MECOM: variants seen among roughly 807,000 people sequenced by gnomAD.
MECOM encodes histone-lysine N-methyltransferase MECOM.
MECOM carries 13 observed loss-of-function variants against 116.3 expected under a neutral mutation model. That is an observed-to-expected ratio of 0.11 (90% CI 0.07 to 0.18). MECOM has a LOEUF of 0.18. MECOM is among the 10% of genes least tolerant of loss of function. The pLI is 1.00. For missense variants in MECOM, 1,299 were observed against 1,509.0 expected (o/e 0.86, Z 2.31); for synonymous variants, 528 against 535.2 (o/e 0.99, Z 0.19).
At chr3:169,266,212 A>G (rs1244807301) in intron 2 of MECOM, among the ~76,000 whole-genome samples, 1 of 152,230 alleles carries the variant, frequency 6.6e-6, no homozygotes, top group Non-Finnish European at 1.5e-5. Context: ...GCCAGGCAGC[A>G]TCATAAATCT....
At chr3:169,650,552 T>C (rs986590017) in intron 1 of MECOM, among the ~76,000 whole-genome samples, 2 of 152,162 alleles carry the variant, frequency 1.3e-5, no homozygotes, top group African/African-American at 4.8e-5. Context: ...GGAATAATCC[T>C]GTAAGCTTGA....
chr3:169,182,156 T>C (rs1746052556), intron 2 of MECOM, among the ~76,000 whole-genome samples: 1 of 152,176 alleles, frequency 6.6e-6, no homozygotes, highest in African/African-American at 2.4e-5. Context: ...AGTAACTAGT[T>C]GAAAGGCGTT....
intron 1 of MECOM, among the ~76,000 whole-genome samples, chr3:169,478,470 T>G (rs112199440): frequency 3.9e-5 from 6 of 152,260 alleles, no homozygotes; most frequent in African/African-American, 1.4e-4. Context: ...CAGAGTGACC[T>G]ATAGGGACAC....
chr3:169,278,948 A>C (rs1487560514), intron 2 of MECOM, among the ~76,000 whole-genome samples: 3 of 152,226 alleles, frequency 2.0e-5, no homozygotes, highest in Non-Finnish European at 4.4e-5. Context: ...AATATGAACT[A>C]TGTTGCACTG....
chr3:169,169,836 C>CA (rs576940968), intron 2 of MECOM, among the ~76,000 whole-genome samples: 1 of 144,782 alleles, frequency 6.9e-6, no homozygotes, highest in African/African-American at 2.5e-5. Context: ...TACAGTTCTA[C>CA]TTTTTTTTTT....
At chr3:169,377,542 A>T (rs1731249539) in intron 2 of MECOM, among the ~76,000 whole-genome samples, 1 of 152,198 alleles carries the variant, frequency 6.6e-6, no homozygotes, top group Non-Finnish European at 1.5e-5. Context: ...AAAAGAAGAC[A>T]TTTATGTGGC....
intron 1 of MECOM, among the ~76,000 whole-genome samples, chr3:169,575,426 G>A (rs1764377641): frequency 6.6e-6 from 1 of 152,200 alleles, no homozygotes; most frequent in African/African-American, 2.4e-5. Flanking sequence ...AAGACTGGCA[G>A]AGAATGCCAG....
chr3:169,407,489 T>C (rs1736891080), intron 1 of MECOM, among the ~76,000 whole-genome samples: 1 of 152,232 alleles, frequency 6.6e-6, no homozygotes, highest in Non-Finnish European at 1.5e-5. Flanking sequence ...AATAGAACAT[T>C]TGTTATTATT....
At chr3:169,624,013 T>G (rs1771061963) in intron 1 of MECOM, 1 of 152,226 alleles carries the variant, frequency 6.6e-6, no homozygotes, top group South Asian at 2.1e-4. Flanking sequence ...CAATCTATTA[T>G]GCTATGTACT....
chr3:169,433,667 A>AAGAAAG (rs1387416647), intron 1 of MECOM, among the ~76,000 whole-genome samples: 1 of 141,526 alleles, frequency 7.1e-6, no homozygotes, highest in Non-Finnish European at 1.5e-5. Context: ...GAAAGAAAGA[A>AAGAAAG]AGAAAGAAAG....
rs139194487 is a variant in MECOM, at chr3:169,592,639, G to A, written c.37+70697C>T. Among the ~76,000 whole-genome samples, 531 of 152,224 alleles carry A rather than the reference G, an allele frequency of 3.5e-3. 3 individuals carry two copies. The highest frequency in any genetic ancestry group is 6.5e-3 in the Non-Finnish European group (444 of 68,020). On this transcript the variant is annotated intron_variant, in intron 1 of 16. Transcript: ENST00000651503. ...CCTGAAATTCTAGAATTCTTTCCACGTAGGGCACAGAATCATGAAGTTCAA... is the reference window on the plus strand; with the variant it reads ...CCTGAAATTCTAGAATTCTTTCCACATAGGGCACAGAATCATGAAGTTCAA...
In MECOM at chr3:169,086,664, A is replaced by G. The variant is rs754288446; in HGVS notation, c.3586-1621T>C. The G allele has an allele frequency of 3.2e-4, 215 of 675,058 alleles. 1 individual carries two copies. The Middle Eastern group carries it at 9.4e-3, about 30-fold the overall frequency. 41.8% of individuals were successfully genotyped at this position (675,058 alleles called of 1,614,324 possible). On this transcript the variant is annotated intron_variant, in intron 16 of 16. Coordinates refer to ENST00000651503, the MANE Select transcript of MECOM (RefSeq NM_004991.4). ...TAAAGTGTTTAGCTCAGTGTGCCTG[A>G]CTGAGGTAATACATAAATAGTACCT... is the stretch of plus-strand genomic sequence containing the variant.
chr3:169,164,973 A>G (rs976856937), intron 2 of MECOM, among the ~76,000 whole-genome samples: 7 of 152,216 alleles, frequency 4.6e-5, no homozygotes, highest in African/African-American at 1.7e-4. Flanking sequence ...CATTCCTAGT[A>G]AAGTTCCCTG....
At chr3:169,370,598 T>C (rs988387476) in intron 2 of MECOM, among the ~76,000 whole-genome samples, 3 of 151,802 alleles carry the variant, frequency 2.0e-5, no homozygotes, top group Admixed American at 1.3e-4. Flanking sequence ...ACCTATGGAA[T>C]GGGAGAAAAT....
At chr3:169,403,837 C>T (rs1736251418) in intron 1 of MECOM, among the ~76,000 whole-genome samples, 1 of 152,064 alleles carries the variant, frequency 6.6e-6, no homozygotes, top group Non-Finnish European at 1.5e-5. Context: ...TCTATTAACC[C>T]TCTGAAACAT....
chr3:169,459,228 T>G (rs969584762), intron 1 of MECOM, among the ~76,000 whole-genome samples: 4 of 152,238 alleles, frequency 2.6e-5, no homozygotes, highest in Non-Finnish European at 5.9e-5. Context: ...ATAATTATTT[T>G]CTTGACCTGG....
intron 1 of MECOM, among the ~76,000 whole-genome samples, chr3:169,633,601 G>C (rs1772349994): frequency 6.6e-6 from 1 of 152,086 alleles, no homozygotes; most frequent in African/African-American, 2.4e-5. Flanking sequence ...AGCCAGCACA[G>C]AATAATTCAC....
At chr3:169,455,141 G>C (rs1049835408) in intron 1 of MECOM, among the ~76,000 whole-genome samples, 1 of 152,128 alleles carries the variant, frequency 6.6e-6, no homozygotes, top group Non-Finnish European at 1.5e-5. Context: ...TAGGCTAAGT[G>C]TCATTATAAG....
At chr3:169,631,608 C>A (rs1254976432) in intron 1 of MECOM, among the ~76,000 whole-genome samples, 3 of 107,444 alleles carry the variant, frequency 2.8e-5, no homozygotes, top group Non-Finnish European at 5.3e-5. Context: ...CTATCCCTCC[C>A]CCCTCCCCCC....
Sources: allele counts gnomAD v4.1 joint callset (sites outside exome capture counted in the v4.1 genomes callset), GRCh38; gene constraint gnomAD v4.1.1; transcripts MANE v1.5; gene names NCBI Gene and HGNC (gene_info 2026-07-23, HGNC 2026-07-21).